Variants in PRKG1 observed in about 807,000 individuals in gnomAD.
PRKG1 encodes the protein cGMP-dependent protein kinase 1.
In PRKG1, 35 loss-of-function variants were observed where a neutral mutation model predicts 88.1. That is an observed-to-expected ratio of 0.40 (90% CI 0.30 to 0.53). The LOEUF is 0.53. Among genes scored for constraint, PRKG1 ranks in the 20% least tolerant of loss-of-function variants. The pLI is 0.59. For synonymous variants in PRKG1, 303 were observed against 292.5 expected (o/e 1.04, Z -0.37); for missense variants, 540 against 839.8 (o/e 0.64, Z 4.41).
chr10:51,873,528 CTTTT>C (rs10713819), intron 4 of PRKG1, among the ~76,000 whole-genome samples: 1 of 131,606 alleles, frequency 7.6e-6, no homozygotes, highest in Non-Finnish European at 1.6e-5. Flanking sequence ...AATAAATAAT[CTTTT>C]TTTTTTTTTT....
chr10:51,648,442 G>C (rs1839965088), intron 3 of PRKG1, among the ~76,000 whole-genome samples: 1 of 152,102 alleles, frequency 6.6e-6, no homozygotes, highest in African/African-American at 2.4e-5. Context: ...AGGAGAATTT[G>C]CCTAAAGAGT....
At chr10:52,165,332 G>A (rs1838405273) in intron 9 of PRKG1, among the ~76,000 whole-genome samples, 1 of 152,150 alleles carries the variant, frequency 6.6e-6, no homozygotes, top group Non-Finnish European at 1.5e-5. Flanking sequence ...GAACTATCAA[G>A]TTTAAAACTC....
At chr10:51,357,444 C>G (rs1842390245) in intron 2 of PRKG1, among the ~76,000 whole-genome samples, 1 of 151,956 alleles carries the variant, frequency 6.6e-6, no homozygotes, top group African/African-American at 2.4e-5. Context: ...GGAACAACAA[C>G]TGAGGAGGCT....
chr10:51,516,619 T>A (rs1157574715), intron 3 of PRKG1, among the ~76,000 whole-genome samples: 2 of 152,008 alleles, frequency 1.3e-5, no homozygotes, highest in South Asian at 4.1e-4. Flanking sequence ...GAAGGATAAA[T>A]AAGAAGGAAA....
At chr10:52,022,898 T>C (rs891032436) in intron 5 of PRKG1, among the ~76,000 whole-genome samples, 2 of 152,010 alleles carry the variant, frequency 1.3e-5, no homozygotes, top group Admixed American at 1.3e-4. Flanking sequence ...AATGCAGAAC[T>C]TTTGGTCGTA....
At chr10:51,996,583 A>C (rs1305070854) in intron 5 of PRKG1, among the ~76,000 whole-genome samples, 1 of 152,148 alleles carries the variant, frequency 6.6e-6, no homozygotes, top group African/African-American at 2.4e-5. Flanking sequence ...AGCATAATGA[A>C]ACATCACCTC....
Position 52,228,671 on chromosome 10 carries a change from A to G in PRKG1, c.1077-22899A>G, listed in dbSNP as rs141553511. Among the ~76,000 whole-genome samples the G allele has an allele frequency of 1.5e-3, 227 of 152,350 alleles. 1 individual carries two copies. Among genetic ancestry groups the G allele is most frequent in the African/African-American group, 5.3e-3 (219 of 41,578 alleles). On this transcript the variant is annotated intron_variant, in intron 9 of 17. Coordinates refer to ENST00000373980, the MANE Select transcript of PRKG1 (RefSeq NM_006258.4). ...TAGCTGCTCAGTTTTAGTGGAGCAC[A>G]TGGACCTGTAATAATAATAACAATA...
intron 3 of PRKG1, among the ~76,000 whole-genome samples, chr10:51,680,251 A>T (rs1048852319): frequency 3.9e-5 from 6 of 152,116 alleles, no homozygotes; most frequent in Non-Finnish European, 8.8e-5. Context: ...ACTAACCTGC[A>T]CAATGTGCAC....
chr10:52,186,866 C>T (rs1417534884), intron 9 of PRKG1, among the ~76,000 whole-genome samples: 3 of 152,216 alleles, frequency 2.0e-5, no homozygotes. Context: ...AAATGAGCCT[C>T]GACTTACTAT....
chr10:51,172,672 C>G lies in PRKG1; in HGVS notation c.478+19342C>G, dbSNP rs10995899. Among the ~76,000 whole-genome samples the G allele has an allele frequency of 3.8e-3, 220 of 58,544 alleles. 1 individual carries two copies. The highest frequency in any genetic ancestry group is 9.1e-3 in the Middle Eastern group (1 of 110). The allele number at this position is 58,544 out of a possible 152,430, so 38.4% of individuals were successfully genotyped here. A position where few individuals can be genotyped will look rare whatever the true frequency, so the allele number is the denominator to read the frequency against. ...TGTATCTATCTATCTATCTATCTAT[C>G]TATCTATCTATCTATCTATCTATCT... On this transcript the variant is annotated intron_variant, in intron 2 of 17. Coordinates refer to ENST00000373980, the MANE Select transcript of PRKG1 (RefSeq NM_006258.4).
At chr10:51,039,251 G>A (rs1214366550) in intron 1 of PRKG1, among the ~76,000 whole-genome samples, 1 of 152,010 alleles carries the variant, frequency 6.6e-6, no homozygotes, top group Non-Finnish European at 1.5e-5. Context: ...ATTTGTTATT[G>A]CCTGTTTTTG....
At chr10:51,288,710 A>C (rs1261718475) in intron 2 of PRKG1, among the ~76,000 whole-genome samples, 1 of 152,212 alleles carries the variant, frequency 6.6e-6, no homozygotes, top group African/African-American at 2.4e-5. Context: ...GAGTTTAATA[A>C]GCTGAAAAGA....
intron 4 of PRKG1, among the ~76,000 whole-genome samples, chr10:51,892,751 G>T (rs1841753198): frequency 6.6e-6 from 1 of 152,176 alleles, no homozygotes; most frequent in Non-Finnish European, 1.5e-5. Context: ...GGCCAGCCCT[G>T]CACATTGAAG....
At chr10:52,003,688 G>A (rs1170602805) in intron 5 of PRKG1, among the ~76,000 whole-genome samples, 18 of 152,198 alleles carry the variant, frequency 1.2e-4, no homozygotes, top group African/African-American at 4.1e-4. Flanking sequence ...AGAAGAGAAA[G>A]CTGACATTTT....
chr10:51,897,459 G>C (rs1283626390), intron 4 of PRKG1, among the ~76,000 whole-genome samples: 2 of 152,064 alleles, frequency 1.3e-5, no homozygotes, highest in African/African-American at 4.8e-5. Context: ...ACTATTTGCA[G>C]ATTTCTGTTT....
At chr10:51,662,696 A>G (rs1840329669) in intron 3 of PRKG1, among the ~76,000 whole-genome samples, 1 of 152,180 alleles carries the variant, frequency 6.6e-6, no homozygotes, top group South Asian at 2.1e-4. Context: ...AAAAGTATAA[A>G]AGGAGCAAAT....
intron 2 of PRKG1, among the ~76,000 whole-genome samples, chr10:51,230,213 C>T (rs1337947558): frequency 2.0e-5 from 3 of 151,814 alleles, no homozygotes; most frequent in East Asian, 1.9e-4. Flanking sequence ...AACATGAATT[C>T]GATATAGGTA....
At chr10:51,633,813 C>G (rs947187177) in intron 3 of PRKG1, among the ~76,000 whole-genome samples, 1 of 152,072 alleles carries the variant, frequency 6.6e-6, no homozygotes, top group Non-Finnish European at 1.5e-5. Flanking sequence ...TTTTTTTGGA[C>G]AGCATGTAGA....
chr10:51,906,486 G>A (rs2132944330), intron 4 of PRKG1, among the ~76,000 whole-genome samples: 1 of 152,156 alleles, frequency 6.6e-6, no homozygotes, highest in East Asian at 1.9e-4. Flanking sequence ...GTTTGGTCTG[G>A]AAAGGCGAGA....
Sources: allele counts gnomAD v4.1 joint callset (sites outside exome capture counted in the v4.1 genomes callset), GRCh38; gene constraint gnomAD v4.1.1; transcripts MANE v1.5; gene names NCBI Gene and HGNC (gene_info 2026-07-23, HGNC 2026-07-21).